Variants in KMT2E observed in about 807,000 individuals in gnomAD.
KMT2E encodes histone reader KMT2E.
In KMT2E, 30 loss-of-function variants were observed where a neutral mutation model predicts 184.6. That is an observed-to-expected ratio of 0.16 (90% CI 0.12 to 0.22). The LOEUF is 0.22. KMT2E is among the 10% of genes least tolerant of loss of function. KMT2E has a pLI of 1.00. For synonymous variants in KMT2E, 815 were observed against 776.5 expected (o/e 1.05, Z -0.82); for missense variants, 2,023 against 2,237.4 (o/e 0.90, Z 1.93).
intron 13 of KMT2E, among the ~76,000 whole-genome samples, chr7:105,085,348 A>C (rs774227042): frequency 1.2e-4 from 18 of 152,224 alleles, no homozygotes; most frequent in Non-Finnish European, 2.2e-4. Flanking sequence ...CAGGGGTTCA[A>C]AACCAGCTTG....
At chr7:105,108,011 T>C (rs1054037546) in intron 22 of KMT2E, 86 bp downstream of exon 22, 6 of 833,586 alleles carry the variant, frequency 7.2e-6, no homozygotes, top group African/African-American at 3.5e-5. Flanking sequence ...AGATGTATTA[T>C]GTAAGGCATT....
intron 12 of KMT2E, among the ~76,000 whole-genome samples, chr7:105,080,843 C>T (rs1562914096): frequency 6.6e-6 from 1 of 151,682 alleles, no homozygotes; most frequent in Non-Finnish European, 1.5e-5. Context: ...AAACCCCATC[C>T]CTACTAAAAA....
At chr7:105,083,800 T>C (rs1158043986) in intron 13 of KMT2E, among the ~76,000 whole-genome samples, 1 of 152,232 alleles carries the variant, frequency 6.6e-6, no homozygotes, top group Non-Finnish European at 1.5e-5. Context: ...ATTTTCTTAA[T>C]GGTGTCTGAG....
intron 1 of KMT2E, among the ~76,000 whole-genome samples, chr7:105,028,505 C>CT (rs372269088): frequency 5.4e-5 from 8 of 148,068 alleles, no homozygotes; most frequent in African/African-American, 2.0e-4. Context: ...CTCTTTCTTG[C>CT]TTTTTTTTGA....
rs35599947 is a variant in KMT2E, at chr7:105,084,629, GA to G, written c.1358+2845del. Among the ~76,000 whole-genome samples the G allele has an allele frequency of 8.5e-3, 1,226 of 144,066 alleles. 24 individuals are homozygous for G. The highest frequency in any genetic ancestry group is 0.029 in the African/African-American group (1,151 of 39,040). 94.5% of individuals were successfully genotyped at this position (144,066 alleles called of 152,430 possible). On this transcript the variant is annotated intron_variant, in intron 13 of 26. Transcript: ENST00000311117. ...GTGACAGAGCAAGACTCTGTCTCAA[GA>G]AAAAAAAAAAAATTACTGTATTGCA...
chr7:105,081,660 G>C, intron 12 of KMT2E, 28 bp from the exon 13 acceptor site: 1 of 1,047,612 alleles, frequency 9.5e-7, no homozygotes, highest in Non-Finnish European at 1.4e-6. Flanking sequence ...AGTAATTTAT[G>C]GTAATGTACA....
intron 13 of KMT2E, among the ~76,000 whole-genome samples, chr7:105,085,214 G>T (rs1196110101): frequency 6.6e-6 from 1 of 152,060 alleles, no homozygotes; most frequent in African/African-American, 2.4e-5. Flanking sequence ...ATGGAAACTT[G>T]TTTCAGTTTT....
chr7:105,097,976 A>G (rs1335669512), intron 15 of KMT2E, among the ~76,000 whole-genome samples: 1 of 152,192 alleles, frequency 6.6e-6, no homozygotes, highest in Non-Finnish European at 1.5e-5. Flanking sequence ...GTATCAAAAT[A>G]ATAAAGAGTG....
In KMT2E at chr7:105,113,266, T is replaced by C; in HGVS notation, c.5510T>C (p.Ile1837Thr). 1 of 1,614,150 alleles carries C rather than the reference T, an allele frequency of 6.2e-7. No individual in the cohort carries two copies. The highest frequency in any genetic ancestry group is 1.3e-5 in the African/African-American group (1 of 75,052). ...CAGGCATCTCCAGTGCCTGGACAGA[T>C]TCCAATTCACAGAGCACAGGTGCCA... ...PQQASPVPGQ[I>T]PIHRAQVPPT... Residue 1837 changes from isoleucine to threonine, a missense_variant, in exon 27 of 27, where the codon ATT (isoleucine) becomes ACT (threonine). By Grantham distance (89) the Ile-to-Thr change is moderately conservative. Coordinates refer to ENST00000311117, the MANE Select transcript of KMT2E (RefSeq NM_182931.3).
intron 1 of KMT2E, among the ~76,000 whole-genome samples, chr7:105,036,860 G>T (rs1014604979): frequency 6.6e-6 from 1 of 152,160 alleles, no homozygotes; most frequent in African/African-American, 2.4e-5. Context: ...ATCTGTTAAT[G>T]TAATTGTAAG....
chr7:105,087,106 G>A (rs1233140659), intron 13 of KMT2E, among the ~76,000 whole-genome samples: 1 of 146,412 alleles, frequency 6.8e-6, no homozygotes, highest in East Asian at 2.0e-4. Context: ...ATACATTATA[G>A]CATATGTGCT....
intron 3 of KMT2E, among the ~76,000 whole-genome samples, chr7:105,047,984 A>C (rs953100417): frequency 1.3e-5 from 2 of 152,206 alleles, no homozygotes; most frequent in African/African-American, 4.8e-5. Context: ...AAGAAATGGA[A>C]ATACCGTTTG....
In KMT2E at chr7:105,113,933, A is replaced by G. The variant is rs1000578173; in HGVS notation, c.*600A>G. On this transcript the variant is annotated 3_prime_UTR_variant, in exon 27 of 27. Transcript: ENST00000311117. The stretch of plus-strand genomic sequence containing the variant: ...TCTCATTTGATATATAGCATTGTAC[A>G]TATGACAAGTCTTTTGCAAAACTGT... 6.5e-6 allele frequency: 1 copy of G among 153,810 alleles called. No individual in the cohort carries two copies. The highest frequency in any genetic ancestry group is 1.5e-5 in the Non-Finnish European group (1 of 68,270). The allele number at this position is 153,810 out of a possible 1,614,324, so 9.5% of individuals were successfully genotyped here.
In KMT2E at chr7:105,113,659, A is replaced by AT. The variant is rs1394505080; in HGVS notation, c.*328dup. 2 of 218,590 alleles carry AT rather than the reference A, an allele frequency of 9.1e-6. No homozygotes were observed. The highest frequency in any genetic ancestry group is 4.6e-5 in the African/African-American group (2 of 43,136). The allele number at this position is 218,590 out of a possible 1,614,324, so 13.5% of individuals were successfully genotyped here. A position where few individuals can be genotyped will look rare whatever the true frequency, so the allele number is the denominator to read the frequency against. ...ATGTTCTATTATTTTATACATACAC[A>AT]TTAAGTACTCAGCTAAGTAATGGCA... On this transcript the variant is annotated 3_prime_UTR_variant, in exon 27 of 27. Coordinates refer to ENST00000311117, the MANE Select transcript of KMT2E (RefSeq NM_182931.3).
At chr7:105,028,403 G>A (rs1425105995) in intron 1 of KMT2E, among the ~76,000 whole-genome samples, 1 of 152,200 alleles carries the variant, frequency 6.6e-6, no homozygotes, top group Admixed American at 6.5e-5. Flanking sequence ...CTGGGCTCAA[G>A]TGATCCGCCT....
rs1258261150 is a variant in KMT2E at position 105,077,116 on chromosome 7, G to C, written c.922G>C (p.Gly308Arg). ...GGCACAAAGAATAGCTCTGAGATTA[G>C]GCAATGGAAATGACAAAAAAGAGAT... ...REAQRIALRLGNGNDKKEMNK... is the reference protein window; with the variant it reads ...REAQRIALRLRNGNDKKEMNK... Residue 308 changes from glycine (G) to arginine (R), a missense_variant, in exon 10 of 27, where the codon GGC becomes CGC. Transcript: ENST00000311117. The C allele has an allele frequency of 1.1e-5, 17 of 1,613,846 alleles. No homozygotes were observed. The highest frequency in any genetic ancestry group is 1.4e-5 in the Non-Finnish European group (17 of 1,179,990).
intron 3 of KMT2E, among the ~76,000 whole-genome samples, chr7:105,061,415 T>C (rs1796808019): frequency 6.6e-6 from 1 of 152,180 alleles, no homozygotes; most frequent in African/African-American, 2.4e-5. Context: ...TTAATTTTAG[T>C]GTGAACTGAC....
rs902866771 is a variant in KMT2E at position 105,059,707 on chromosome 7, A to G, written c.72-2457A>G. Among the ~76,000 whole-genome samples the G allele has an allele frequency of 2.0e-5, 3 of 152,148 alleles. No individual in the cohort carries two copies. In the South Asian group the frequency reaches 6.2e-4, roughly 32 times the overall value. ...TAAAGATGGAAAAAGTAAATCATGA[A>G]TACATATATTTTCGGATTTTAAAAA... On this transcript the variant is annotated intron_variant, in intron 3 of 26. Coordinates refer to ENST00000311117, the MANE Select transcript of KMT2E (RefSeq NM_182931.3).
chr7:105,090,960 T>TGTAA (rs1554397285), intron 14 of KMT2E, among the ~76,000 whole-genome samples: 1 of 152,196 alleles, frequency 6.6e-6, no homozygotes, highest in Non-Finnish European at 1.5e-5. Context: ...ACTTTATAAA[T>TGTAA]GTAAGGCCAT....
Sources: gnomAD v4.1 joint callset for allele counts (sites outside exome capture counted in the v4.1 genomes callset) on GRCh38, gnomAD v4.1.1 for gene constraint, MANE v1.5 for transcripts, NCBI Gene and HGNC (gene_info 2026-07-23, HGNC 2026-07-21) for gene names.